FGGY: variants seen among roughly 807,000 people sequenced by gnomAD.
FGGY encodes the protein FGGY carbohydrate kinase domain-containing protein.
In FGGY, 72 loss-of-function variants were observed where a neutral mutation model predicts 71.3. That is an observed-to-expected ratio of 1.01 (90% CI 0.84 to 1.23). The LOEUF (loss-of-function observed/expected upper bound fraction) is 1.23. Ranked by LOEUF, FGGY falls within the 50% of genes most tolerant of loss-of-function variation. The pLI is 0.00. For missense variants in FGGY, 668 were observed against 682.3 expected (o/e 0.98, Z 0.23); for synonymous variants, 251 against 250.3 (o/e 1.00, Z -0.02).
intron 14 of FGGY, among the ~76,000 whole-genome samples, chr1:59,730,200 T>TG (rs1393168000): frequency 1.3e-5 from 2 of 152,160 alleles, no homozygotes; most frequent in African/African-American, 4.8e-5. Flanking sequence ...ATCTCAGCTG[T>TG]GACTGTCTGG....
At chr1:59,482,905 G>A (rs908367859) in intron 6 of FGGY, among the ~76,000 whole-genome samples, 5 of 152,020 alleles carry the variant, frequency 3.3e-5, no homozygotes, top group African/African-American at 7.2e-5. Context: ...AACTGAGGAG[G>A]ATTGAATTCA....
At chr1:59,440,798 C>A (rs2069650907) in intron 5 of FGGY, among the ~76,000 whole-genome samples, 1 of 150,764 alleles carries the variant, frequency 6.6e-6, no homozygotes, top group Non-Finnish European at 1.5e-5. Context: ...GGAATTGACA[C>A]CAGAAGGTGA....
intron 5 of FGGY, among the ~76,000 whole-genome samples, chr1:59,405,149 G>A (rs1033495022): frequency 2.0e-5 from 3 of 152,170 alleles, no homozygotes; most frequent in African/African-American, 7.2e-5. Context: ...TTTATTACAT[G>A]CCTTAAACTT....
At chr1:59,614,170 C>A (rs2096723282) in intron 9 of FGGY, among the ~76,000 whole-genome samples, 2 of 152,142 alleles carry the variant, frequency 1.3e-5, no homozygotes. Flanking sequence ...CATCCTGATA[C>A]CAAAGCCTGG....
At chr1:59,343,704 G>A (rs1022322496) in intron 3 of FGGY, among the ~76,000 whole-genome samples, 9 of 152,092 alleles carry the variant, frequency 5.9e-5, no homozygotes, top group Non-Finnish European at 1.3e-4. Flanking sequence ...TTCCATAAGA[G>A]CTGAAAAAAA....
At chr1:59,553,137 G>A (rs1255815919) in intron 7 of FGGY, among the ~76,000 whole-genome samples, 1 of 152,116 alleles carries the variant, frequency 6.6e-6, no homozygotes, top group East Asian at 1.9e-4. Flanking sequence ...ACAGCATTAA[G>A]GATTAGAGAT....
At chr1:59,712,404 T>C (rs1419018328) in intron 14 of FGGY, among the ~76,000 whole-genome samples, 2 of 151,966 alleles carry the variant, frequency 1.3e-5, no homozygotes. Context: ...AATCTGGAGG[T>C]CGGTGGCCCT....
chr1:59,698,891 G>A, intron 14 of FGGY: 16 of 985,424 alleles, frequency 1.6e-5, no homozygotes, highest in Non-Finnish European at 1.9e-5. Context: ...CATGTCGTAT[G>A]TTTTATGTGG....
chr1:59,301,672 T>A (rs1393949119), intron 1 of FGGY, among the ~76,000 whole-genome samples: 1 of 151,396 alleles, frequency 6.6e-6, no homozygotes, highest in African/African-American at 2.4e-5. Context: ...GAAGTTGTAA[T>A]TTTGTTGTTT....
chr1:59,493,631 G>T (rs1051877267), intron 6 of FGGY, among the ~76,000 whole-genome samples: 1 of 152,140 alleles, frequency 6.6e-6, no homozygotes, highest in African/African-American at 2.4e-5. Flanking sequence ...CCAGGGATTT[G>T]GGGGAAGGGG....
chr1:59,601,128 G>A (rs1011147956), intron 8 of FGGY, among the ~76,000 whole-genome samples: 1 of 152,084 alleles, frequency 6.6e-6, no homozygotes, highest in African/African-American at 2.4e-5. Context: ...ACACATGCCT[G>A]TGGCTACCCT....
intron 6 of FGGY, among the ~76,000 whole-genome samples, chr1:59,497,675 G>A (rs542165371): frequency 4.6e-5 from 7 of 152,254 alleles, no homozygotes; most frequent in South Asian, 2.1e-4. Context: ...CTGTTCAGCC[G>A]TAGGCCTCCA....
intron 2 of FGGY, among the ~76,000 whole-genome samples, chr1:59,329,530 C>G (rs2048057915): frequency 6.6e-6 from 1 of 152,210 alleles, no homozygotes; most frequent in Non-Finnish European, 1.5e-5. Context: ...CTTAACATGG[C>G]CTTCAGGGCC....
chr1:59,682,842 T>G (rs2097514447), intron 14 of FGGY, among the ~76,000 whole-genome samples: 2 of 152,192 alleles, frequency 1.3e-5, no homozygotes, highest in Admixed American at 1.3e-4. Context: ...AATGGTTTGT[T>G]CAGATTTGCT....
chr1:59,708,406 A>G (rs1416544144), intron 14 of FGGY, among the ~76,000 whole-genome samples: 2 of 152,156 alleles, frequency 1.3e-5, no homozygotes, highest in African/African-American at 4.8e-5. Context: ...CTTTTGAACA[A>G]TGAAAGGGAC....
chr1:59,513,475 T>C (rs890258827), intron 7 of FGGY, among the ~76,000 whole-genome samples: 34 of 152,200 alleles, frequency 2.2e-4, no homozygotes, highest in African/African-American at 7.5e-4. Flanking sequence ...GCTGGCTAAC[T>C]CCTCCTCTAA....
At chr1:59,647,325 A>C (rs1019802945) in intron 11 of FGGY, among the ~76,000 whole-genome samples, 10 of 152,234 alleles carry the variant, frequency 6.6e-5, no homozygotes, top group African/African-American at 1.9e-4. Flanking sequence ...CAAGGCAAAC[A>C]AGGTGTGAAG....
intron 14 of FGGY, among the ~76,000 whole-genome samples, chr1:59,748,184 C>T (rs79352191): frequency 0.07 from 10,677 of 151,852 alleles, 664 homozygotes; most frequent in African/African-American, 0.17. Context: ...GGAAAGCCAA[C>T]GACTCCACTT....
chr1:59,307,084 G>A (rs145763169), intron 1 of FGGY, among the ~76,000 whole-genome samples: 3 of 152,118 alleles, frequency 2.0e-5, no homozygotes, highest in African/African-American at 4.8e-5. Context: ...GGAGGCCGAG[G>A]TGGGAGGATA....
Sources: allele counts gnomAD v4.1 joint callset (sites outside exome capture counted in the v4.1 genomes callset), GRCh38; gene constraint gnomAD v4.1.1; transcripts MANE v1.5; gene names NCBI Gene and HGNC (gene_info 2026-07-23, HGNC 2026-07-21).